CENPW: variants seen among roughly 807,000 people sequenced by gnomAD.
The protein encoded by CENPW is cancer-up-regulated gene 2 protein.
A neutral mutation model predicts 11.1 loss-of-function variants in CENPW; 3 were observed. The ratio of observed to expected loss-of-function variants is 0.27; its 90% confidence interval spans 0.12 to 0.70. The LOEUF is 0.70. CENPW is among the 30% of genes least tolerant of loss of function. The pLI, the probability that CENPW is intolerant of heterozygous loss-of-function variation, is 0.77. For missense variants in CENPW, 100 were observed against 105.6 expected (o/e 0.95, Z 0.23); for synonymous variants, 38 against 42.0 (o/e 0.91, Z 0.37).
the CENPW span, among the ~76,000 whole-genome samples, chr6:126,378,702 G>A: frequency 1.3e-5 from 2 of 152,132 alleles, no homozygotes; most frequent in African/African-American, 4.8e-5. Context: ...AGAACAGGAG[G>A]ATGAAAGCTG....
At chr6:126,385,425 TAAA>T in the CENPW span, among the ~76,000 whole-genome samples, 70 of 152,268 alleles carry the variant, frequency 4.6e-4, no homozygotes, top group East Asian at 0.011. Context: ...TATGCAGTCA[TAAA>T]AAAGAACAAA....
the CENPW span, among the ~76,000 whole-genome samples, chr6:126,388,830 G>T: frequency 6.6e-6 from 1 of 151,896 alleles, no homozygotes; most frequent in African/African-American, 2.4e-5. Flanking sequence ...ACTCCTACTA[G>T]ATTTTAAGCT....
the CENPW span, among the ~76,000 whole-genome samples, chr6:126,419,775 CT>C: frequency 6.6e-6 from 1 of 152,136 alleles, no homozygotes; most frequent in Non-Finnish European, 1.5e-5. Context: ...CTTGTGGTCT[CT>C]TTCTTCCAAC....
chr6:126,364,142 T>G, the CENPW span, among the ~76,000 whole-genome samples: 1 of 152,180 alleles, frequency 6.6e-6, no homozygotes, highest in African/African-American at 2.4e-5. Flanking sequence ...TACCTGGCAT[T>G]AAACCTGAGG....
the CENPW span, among the ~76,000 whole-genome samples, chr6:126,385,375 G>A: frequency 2.0e-5 from 3 of 152,168 alleles, no homozygotes; most frequent in Admixed American, 2.0e-4. Context: ...ATTAATAAAA[G>A]ACTGGATAAA....
the CENPW span, among the ~76,000 whole-genome samples, chr6:126,407,898 G>T: frequency 6.6e-6 from 1 of 152,136 alleles, no homozygotes; most frequent in African/African-American, 2.4e-5. Flanking sequence ...CCACTCTTAT[G>T]ATAGGTTTTT....
At chr6:126,467,743 C>T in the CENPW span, among the ~76,000 whole-genome samples, 1,620 of 152,134 alleles carry the variant, frequency 0.011, 26 homozygotes, top group African/African-American at 0.037. Context: ...CTTGTTAAGG[C>T]GGGTTGCACA....
At chr6:126,396,965 C>T in the CENPW span, among the ~76,000 whole-genome samples, 45 of 151,990 alleles carry the variant, frequency 3.0e-4, 1 homozygote, top group South Asian at 9.1e-3. Context: ...CCTGTTCTCT[C>T]CTCAAGCAGA....
chr6:126,462,558 A>ACG, the CENPW span, among the ~76,000 whole-genome samples: 442 of 149,314 alleles, frequency 3.0e-3, 2 homozygotes, highest in African/African-American at 0.011. Flanking sequence ...ACACACACAC[A>ACG]CGCATCTTCT....
chr6:126,349,631 A>G (rs532212517), downstream of CENPW, among the ~76,000 whole-genome samples: 36 of 152,210 alleles, frequency 2.4e-4, no homozygotes, highest in African/African-American at 7.9e-4. Flanking sequence ...ACATGTATCA[A>G]TAGTTTGTTC....
chr6:126,430,983 G>C, the CENPW span, among the ~76,000 whole-genome samples: 1 of 151,954 alleles, frequency 6.6e-6, no homozygotes, highest in African/African-American at 2.4e-5. Flanking sequence ...AATCCAACTA[G>C]TGAATGTTTT....
intron 1 of CENPW, among the ~76,000 whole-genome samples, chr6:126,345,325 G>A (rs1421258903): frequency 6.6e-6 from 1 of 151,860 alleles, no homozygotes; most frequent in Non-Finnish European, 1.5e-5. Flanking sequence ...TTGCTTATAT[G>A]TAGAGCTTGT....
chr6:126,433,669 T>C, the CENPW span, among the ~76,000 whole-genome samples: 5 of 152,078 alleles, frequency 3.3e-5, no homozygotes, highest in Admixed American at 3.3e-4. Context: ...TAAATATATA[T>C]AAACCAATGT....
chr6:126,413,890 T>A, the CENPW span, among the ~76,000 whole-genome samples: 15 of 152,070 alleles, frequency 9.9e-5, no homozygotes, highest in East Asian at 2.3e-3. Context: ...ATGGATTTTT[T>A]AAAATGACCC....
At chr6:126,352,226 T>C (rs1196152664), downstream of CENPW, among the ~76,000 whole-genome samples, 1 of 152,162 alleles carries the variant, frequency 6.6e-6, no homozygotes, top group Non-Finnish European at 1.5e-5. Flanking sequence ...AGTGTTGAGT[T>C]GTTGCAGCAA....
chr6:126,373,612 T>C, the CENPW span, among the ~76,000 whole-genome samples: 2 of 152,204 alleles, frequency 1.3e-5, 1 homozygote, highest in Non-Finnish European at 2.9e-5. Flanking sequence ...TAGGCTAGAA[T>C]GTTCAAGATG....
At chr6:126,397,459 A>G in the CENPW span, among the ~76,000 whole-genome samples, 1 of 152,164 alleles carries the variant, frequency 6.6e-6, no homozygotes, top group Non-Finnish European at 1.5e-5. Flanking sequence ...CGGTGATTCA[A>G]GACTGTCTTT....
downstream of CENPW, among the ~76,000 whole-genome samples, chr6:126,353,468 T>C (rs940773721): frequency 2.0e-5 from 3 of 152,090 alleles, no homozygotes; most frequent in Non-Finnish European, 2.9e-5. Flanking sequence ...GGGTAATATG[T>C]CTTTTTTAAA....
At chr6:126,432,066 CAAAA>C in the CENPW span, among the ~76,000 whole-genome samples, 1 of 36,562 alleles carries the variant, frequency 2.7e-5, no homozygotes, top group African/African-American at 9.2e-5. Context: ...CTCCATCTCA[CAAAA>C]AAAAAAAAAA....
Sources: gnomAD v4.1 joint callset for allele counts (sites outside exome capture counted in the v4.1 genomes callset) on GRCh38, gnomAD v4.1.1 for gene constraint, MANE v1.5 for transcripts, NCBI Gene and HGNC (gene_info 2026-07-23, HGNC 2026-07-21) for gene names.